FLT4: variants seen among roughly 807,000 people sequenced by gnomAD.
FLT4 encodes the protein fms related receptor tyrosine kinase 4, also known as vascular endothelial growth factor receptor 3.
A neutral mutation model predicts 163.2 loss-of-function variants in FLT4; 30 were observed. That is an observed-to-expected ratio of 0.18 (90% CI 0.14 to 0.25). The LOEUF (loss-of-function observed/expected upper bound fraction) is 0.25. FLT4 is among the 10% of genes least tolerant of loss of function. FLT4 has a pLI of 1.00. For missense variants in FLT4, 1,510 were observed against 1,863.8 expected (o/e 0.81, Z 3.50); for synonymous variants, 884 against 789.5 (o/e 1.12, Z -2.01).
At chr5:180,624,634 T>A (rs1401187045) in intron 10 of FLT4, among the ~76,000 whole-genome samples, 2 of 152,228 alleles carry the variant, frequency 1.3e-5, no homozygotes, top group East Asian at 3.9e-4. Context: ...CAGGCACATG[T>A]GCACTCTGTC....
Position 180,620,087 on chromosome 5 carries a change from T to C in FLT4, c.2542+86A>G, listed in dbSNP as rs1245789790. Reference sequence around the variant, plus strand: ...AGGCGGAACTTCCTGGTGCAAGTTTTGAAAATGGAGGGATTCAGGCACTCC... The same window carrying C: ...AGGCGGAACTTCCTGGTGCAAGTTTCGAAAATGGAGGGATTCAGGCACTCC... On this transcript the variant is annotated intron_variant, in intron 17 of 29. Transcript: ENST00000261937. The surrounding 1 kb of genome is among the most constrained non-coding windows in gnomAD (Gnocchi z 4.4). 2.0e-6 allele frequency: 3 copies of C among 1,510,072 alleles called. No individual in the cohort carries two copies. Among genetic ancestry groups the C allele is most frequent in the East Asian group, 2.3e-5 (1 of 44,096 alleles). The allele number at this position is 1,510,072 out of a possible 1,614,324, so 93.5% of individuals were successfully genotyped here.
intron 1 of FLT4, among the ~76,000 whole-genome samples, chr5:180,641,906 C>T (rs1289744635): frequency 6.6e-6 from 1 of 152,166 alleles, no homozygotes; most frequent in Admixed American, 6.5e-5. Flanking sequence ...CCACAAACAA[C>T]ATGGTTAAGA....
intron 1 of FLT4, among the ~76,000 whole-genome samples, chr5:180,643,351 C>T (rs1325055769): frequency 2.0e-5 from 3 of 152,218 alleles, no homozygotes; most frequent in Admixed American, 2.0e-4. Context: ...AGGCCCCTGC[C>T]CCCACCTCTC....
Position 180,649,592 on chromosome 5 carries a change from G to A in FLT4, c.-47C>T, listed in dbSNP as rs1164962196. The A allele has an allele frequency of 4.2e-6, 5 of 1,197,454 alleles. No homozygotes were observed. Among genetic ancestry groups the A allele is most frequent in the South Asian group, 2.8e-5 (1 of 36,342 alleles). 74.2% of individuals were successfully genotyped at this position (1,197,454 alleles called of 1,614,324 possible). On this transcript the variant is annotated 5_prime_UTR_variant, in exon 1 of 30. Coordinates refer to ENST00000261937, the MANE Select transcript of FLT4 (RefSeq NM_182925.5). Reference sequence around the variant, plus strand: ...CCGACCCGAGCGGCCGCGGCTCGGGGCTGAAAGTGTCCGCGCGGGCGCCGG... The same window carrying A: ...CCGACCCGAGCGGCCGCGGCTCGGGACTGAAAGTGTCCGCGCGGGCGCCGG...
In FLT4 at chr5:180,606,107, T is replaced by C. The variant is rs564190811; in HGVS notation, c.3894-2717A>G. 3.9e-5 allele frequency among the ~76,000 whole-genome samples: 6 copies of C among 152,344 alleles called. No homozygotes were observed. The East Asian group carries it at 1.2e-3, about 29-fold the overall frequency. ...CCTGTGGCACCTTTTCTTGGCTCATTGTCGACAGAGGACAAAGAACAGTGC... is the reference window on the plus strand; with the variant it reads ...CCTGTGGCACCTTTTCTTGGCTCATCGTCGACAGAGGACAAAGAACAGTGC... On this transcript the variant is annotated intron_variant, in intron 29 of 29. Transcript: ENST00000261937.
rs1763332313 is a variant in FLT4 at position 180,623,450 on chromosome 5, C to G, written c.1548+485G>C. Among the ~76,000 whole-genome samples the G allele has an allele frequency of 6.6e-6, 1 of 152,086 alleles. No individual in the cohort carries two copies. The highest frequency in any genetic ancestry group is 1.9e-4 in the East Asian group (1 of 5,172). On this transcript the variant is annotated intron_variant, in intron 11 of 29. Transcript: ENST00000261937. The surrounding 1 kb of genome is among the most constrained non-coding windows in gnomAD (Gnocchi z 5.8). ...CCAAAGACCCCCACCCCCACCCCACCCCCAGCTGGGCACTTCCTGTCCAGG... is the reference window on the plus strand; with the variant it reads ...CCAAAGACCCCCACCCCCACCCCACGCCCAGCTGGGCACTTCCTGTCCAGG...
At chr5:180,643,248 A>C (rs1765258110) in intron 1 of FLT4, among the ~76,000 whole-genome samples, 1 of 152,182 alleles carries the variant, frequency 6.6e-6, no homozygotes, top group Admixed American at 6.5e-5. Flanking sequence ...ATCGGTCACC[A>C]AGTGCCTCCA....
intron 13 of FLT4, 44 bp from the exon 14 acceptor site, chr5:180,621,296 G>T (rs777051961): frequency 1.9e-6 from 3 of 1,589,188 alleles, no homozygotes; most frequent in South Asian, 1.1e-5. Context: ...GCTGCACTTA[G>T]CAGGAGGACC....
chr5:180,629,283 C>T lies in FLT4; in HGVS notation c.961G>A (p.Glu321Lys). ...KANNGIQRFR[E>K]STEVIVHENP... is the part of the protein sequence containing the mutation. ...CCATGCACAATGACCTCGGTGCTCT[C>T]CCGAAATCGCTGGATGCCGTTGTTG... The change falls in exon 7 of 30, where the codon GAG becomes AAG. Residue 321 changes from glutamate to lysine, a missense_variant. Glu to Lys is a moderately conservative substitution (Grantham distance 56). This residue lies in a region of FLT4 where 163 missense variants were observed against 281.1 expected (regional missense o/e 0.58). Transcript: ENST00000261937. The T allele has an allele frequency of 1.9e-6, 3 of 1,613,200 alleles. No homozygotes were observed. The highest frequency in any genetic ancestry group is 2.5e-6 in the Non-Finnish European group (3 of 1,180,014).
Position 180,609,951 on chromosome 5 carries a change from G to A in FLT4, c.3761C>T (p.Thr1254Ile), listed in dbSNP as rs201542981. 5.0e-5 allele frequency: 81 copies of A among 1,614,000 alleles called. No individual in the cohort carries two copies. The highest frequency in any genetic ancestry group is 1.0e-4 in the Admixed American group (6 of 60,014). The change falls in exon 28 of 30, where the codon ACA becomes ATA. Residue 1254 changes from threonine (T) to isoleucine (I), a missense_variant. Thr to Ile is a moderately conservative substitution (Grantham distance 89). Transcript: ENST00000261937. Reference sequence around the variant, plus strand: ...TGGGGTCATGGGGAATTCCTCAAATGTCTTCATCCTGGAGGAACCACGGGT... The same window carrying A: ...TGGGGTCATGGGGAATTCCTCAAATATCTTCATCCTGGAGGAACCACGGGT... ...AETRGSSRMK[T>I]FEEFPMTPTT...
chr5:180,608,504 C>T lies in FLT4; in HGVS notation c.3893+464G>A, dbSNP rs307833. 0.92 allele frequency among the ~76,000 whole-genome samples: 140,505 copies of T among 152,178 alleles called. 65,651 individuals carry two copies. The highest frequency in any genetic ancestry group is 1 in the Non-Finnish European group (67,845 of 68,032). On this transcript the variant is annotated intron_variant, in intron 29 of 29. Coordinates refer to ENST00000261937, the MANE Select transcript of FLT4 (RefSeq NM_182925.5). Reference sequence around the variant, plus strand: ...CTCTGTCTTGTGTCTTTCTTTCTTACGATCTCTTATCTCCACACACGGGGA... The same window carrying T: ...CTCTGTCTTGTGTCTTTCTTTCTTATGATCTCTTATCTCCACACACGGGGA...
intron 8 of FLT4, among the ~76,000 whole-genome samples, chr5:180,628,185 T>C (rs1763785431): frequency 6.6e-6 from 1 of 152,184 alleles, no homozygotes; most frequent in African/African-American, 2.4e-5. Context: ...TCCTCGTCTA[T>C]GCAATGGGGA....
chr5:180,641,769 C>G (rs13356641), intron 1 of FLT4, among the ~76,000 whole-genome samples: 6,334 of 152,326 alleles, frequency 0.042, 191 homozygotes, highest in South Asian at 0.12. Flanking sequence ...AGCCCGCATG[C>G]CCGGCTGGGC....
chr5:180,606,903 A>AAAC (rs1280756278), intron 29 of FLT4, among the ~76,000 whole-genome samples: 149 of 47,616 alleles, frequency 3.1e-3, no homozygotes, highest in South Asian at 0.02. Flanking sequence ...TAAAAAAAAA[A>AAAC]AAAAAAAAAA....
In FLT4 at chr5:180,619,380, G is replaced by A; in HGVS notation, c.2648-14C>T. The A allele has an allele frequency of 1.3e-6, 2 of 1,589,096 alleles. No homozygotes were observed. Among genetic ancestry groups the A allele is most frequent in the South Asian group, 1.1e-5 (1 of 90,568 alleles). On this transcript the variant is annotated splice_polypyrimidine_tract_variant and intron_variant, in intron 18 of 29. Transcript: ENST00000261937. ...CCGTGGCGCCCTCTGGAGGGGACAC[G>A]GGCCTCACACCGGCCCCGACCCTGG... is the stretch of plus-strand genomic sequence containing the variant.
chr5:180,619,814 G>A (rs556834961), intron 17 of FLT4, 45 bp from the exon 18 acceptor site: 11 of 1,457,500 alleles, frequency 7.5e-6, no homozygotes, highest in Non-Finnish European at 1.1e-5. Context: ...TACGGGGTGA[G>A]CGTGGAGACA....
At chr5:180,610,335 G>A (rs569752934) in intron 27 of FLT4, among the ~76,000 whole-genome samples, 1 of 152,362 alleles carries the variant, frequency 6.6e-6, no homozygotes, top group African/African-American at 2.4e-5. Flanking sequence ...GGCTACCCTG[G>A]GCCAGCCAGG....
intron 29 of FLT4, among the ~76,000 whole-genome samples, chr5:180,607,742 T>A (rs2127785964): frequency 6.6e-6 from 1 of 152,184 alleles, no homozygotes; most frequent in Non-Finnish European, 1.5e-5. Flanking sequence ...ATGGACATTA[T>A]CAGTCATTAG....
At position 180,630,929 on chromosome 5, in the gene FLT4, C is replaced by T. The variant is rs972663344; in HGVS notation, c.156-130G>A. 45 of 1,152,422 alleles carry T rather than the reference C, an allele frequency of 3.9e-5. No homozygotes were observed. Among genetic ancestry groups the T allele is most frequent in the Middle Eastern group, 6.0e-4 (2 of 3,352 alleles). The allele number at this position is 1,152,422 out of a possible 1,614,324, so 71.4% of individuals were successfully genotyped here. On this transcript the variant is annotated intron_variant, in intron 2 of 29. Transcript: ENST00000261937. This position sits in a 1 kb window ranked among gnomAD's most constrained non-coding sequence, Gnocchi z 6.3. Reference sequence around the variant, plus strand: ...AGCATGGAACTGCCCAGGGTTTGGGCGCACACTACAGACCGTGCCCAGGGC... The same window carrying T: ...AGCATGGAACTGCCCAGGGTTTGGGTGCACACTACAGACCGTGCCCAGGGC...
Sources: gnomAD v4.1 joint callset for allele counts (sites outside exome capture counted in the v4.1 genomes callset) on GRCh38, gnomAD v4.1.1 for gene constraint, gnomAD v4.1.1 regional missense constraint, Gnocchi (gnomAD v3.1) non-coding constraint, MANE v1.5 for transcripts, NCBI Gene and HGNC (gene_info 2026-07-23, HGNC 2026-07-21) for gene names.